CCNH: variants seen among roughly 807,000 people sequenced by gnomAD.
The protein encoded by CCNH is cyclin H.
CCNH carries 31 observed loss-of-function variants against 41.9 expected under a neutral mutation model. That is an observed-to-expected ratio of 0.74 (90% CI 0.56 to 1.00). CCNH has a LOEUF of 1.00. Ranked by LOEUF, CCNH falls within the 50% of genes least tolerant of loss-of-function variation. The probability of loss-of-function intolerance (pLI) is 0.00; values close to 1 mark genes in which losing one functional copy is unlikely to be tolerated. For missense variants in CCNH, 362 were observed against 388.4 expected (o/e 0.93, Z 0.57); for synonymous variants, 138 against 136.1 (o/e 1.01, Z -0.10).
chr5:87,352,963 A>C (rs1759383134), intron 9 of CCNH, among the ~76,000 whole-genome samples: 1 of 151,936 alleles, frequency 6.6e-6, no homozygotes, highest in African/African-American at 2.4e-5. Flanking sequence ...TGGCCTGTAA[A>C]TCTATATTGA....
At chr5:87,361,811 G>T in intron 9 of CCNH, among the ~76,000 whole-genome samples, 1 of 152,124 alleles carries the variant, frequency 6.6e-6, no homozygotes, top group East Asian at 1.9e-4. Flanking sequence ...CATTAAGAAA[G>T]AACCTAATAT....
At chr5:87,365,293 A>T (rs964614247) in intron 9 of CCNH, among the ~76,000 whole-genome samples, 1 of 152,204 alleles carries the variant, frequency 6.6e-6, no homozygotes, top group African/African-American at 2.4e-5. Flanking sequence ...TGATCCCTGT[A>T]TAAACTGTTC....
At chr5:87,347,875 C>A (rs1223721110) in intron 9 of CCNH, among the ~76,000 whole-genome samples, 1 of 151,928 alleles carries the variant, frequency 6.6e-6, no homozygotes, top group Non-Finnish European at 1.5e-5. Context: ...ACTTGTACCA[C>A]CAAGTACTTG....
At chr5:87,354,638 G>A (rs774530177) in intron 9 of CCNH, among the ~76,000 whole-genome samples, 15 of 152,062 alleles carry the variant, frequency 9.9e-5, no homozygotes, top group Non-Finnish European at 1.9e-4. Flanking sequence ...GCCTCTAAAT[G>A]GTCAAGTGAA....
intron 2 of CCNH, 46 bp downstream of exon 2, chr5:87,411,178 A>G: frequency 6.5e-7 from 1 of 1,547,128 alleles, no homozygotes; most frequent in Non-Finnish European, 8.7e-7. Flanking sequence ...GTCAAATTTC[A>G]CAAGCCAACT....
At chr5:87,344,743 G>A (rs774074017) in intron 9 of CCNH, among the ~76,000 whole-genome samples, 2 of 142,188 alleles carry the variant, frequency 1.4e-5, no homozygotes, top group Non-Finnish European at 1.5e-5. Context: ...GGTCTCAAAC[G>A]CCTGGCCTCA....
downstream of CCNH, chr5:87,375,026 T>C (rs1380925036): frequency 7.4e-7 from 1 of 1,357,764 alleles, no homozygotes; most frequent in East Asian, 2.6e-5. Flanking sequence ...ATGCAAGTAG[T>C]ATAATTTGAG....
intron 9 of CCNH, among the ~76,000 whole-genome samples, chr5:87,365,968 G>A (rs1760483668): frequency 6.6e-6 from 1 of 152,072 alleles, no homozygotes; most frequent in Non-Finnish European, 1.5e-5. Context: ...AGTTGCATGT[G>A]TTTTCAGTTT....
chr5:87,374,724 A>G, downstream of CCNH: 1 of 1,425,960 alleles, frequency 7.0e-7, no homozygotes, highest in South Asian at 1.3e-5. Context: ...TAGGTCTAGC[A>G]CACTGTTTTT....
chr5:87,318,632 A>G (rs1361319383), exon 10 of CCNH: 1 of 152,200 alleles, frequency 6.6e-6, no homozygotes, highest in African/African-American at 2.4e-5. Context: ...GAGAGCAGCA[A>G]GGGGAAATTT....
At chr5:87,351,602 T>C (rs1460740615) in intron 9 of CCNH, among the ~76,000 whole-genome samples, 2 of 151,832 alleles carry the variant, frequency 1.3e-5, no homozygotes, top group Non-Finnish European at 3.0e-5. Flanking sequence ...TTGAATATGC[T>C]TTAGTTTTCT....
intron 9 of CCNH, among the ~76,000 whole-genome samples, chr5:87,333,973 G>C (rs565626801): frequency 1.3e-5 from 2 of 152,218 alleles, no homozygotes; most frequent in South Asian, 4.2e-4. Context: ...ATGAATTTAG[G>C]TAATTTTAAA....
chr5:87,404,137 T>C (rs1387033105), intron 5 of CCNH, among the ~76,000 whole-genome samples: 1 of 152,188 alleles, frequency 6.6e-6, no homozygotes, highest in Admixed American at 6.5e-5. Flanking sequence ...AGAAAAGTTA[T>C]CTGGTGTATA....
At chr5:87,327,444 C>T (rs531395555) in intron 9 of CCNH, among the ~76,000 whole-genome samples, 22 of 152,068 alleles carry the variant, frequency 1.4e-4, no homozygotes, top group Non-Finnish European at 2.4e-4. Context: ...GTGATGGTAA[C>T]GACATAAAAA....
Position 87,394,407 on chromosome 5 carries a change from C to A in CCNH, c.*39G>T, listed in dbSNP as rs1386089579. ...TAAACGTTTGATATGCTTCCTACTT[C>A]TCTTGATTAGTTAGCATTGAGAAAT... On this transcript the variant is annotated 3_prime_UTR_variant, in exon 9 of 9. Coordinates refer to ENST00000256897, the MANE Select transcript of CCNH (RefSeq NM_001239.4). 6 of 1,601,308 alleles carry A rather than the reference C, an allele frequency of 3.7e-6. No homozygotes were observed. The highest frequency in any genetic ancestry group is 5.1e-6 in the Non-Finnish European group (6 of 1,171,538).
downstream of CCNH, chr5:87,389,604 G>T: frequency 6.4e-7 from 1 of 1,552,750 alleles, no homozygotes. Context: ...GCTGAATTCT[G>T]GTTAACATTT....
chr5:87,327,070 G>C (rs1369441079), intron 9 of CCNH, among the ~76,000 whole-genome samples: 1 of 152,122 alleles, frequency 6.6e-6, no homozygotes, highest in Non-Finnish European at 1.5e-5. Context: ...TGTGATACTG[G>C]TTTGATATTA....
At chr5:87,390,747 G>C, downstream of CCNH, 1 of 1,484,462 alleles carries the variant, frequency 6.7e-7, no homozygotes, top group Non-Finnish European at 9.4e-7. Context: ...TTCCCATCCT[G>C]AAATTGCTGA....
chr5:87,404,920 G>A lies in CCNH; in HGVS notation c.613C>T (p.Leu205Phe), dbSNP rs1360467420. 1 of 1,613,220 alleles carries A rather than the reference G, an allele frequency of 6.2e-7. No homozygotes were observed. The highest frequency in any genetic ancestry group is 8.5e-7 in the Non-Finnish European group (1 of 1,179,414). ...LNRIALTDAY[L>F]LYTPSQIALT... ...GCAATTTGGGAAGGTGTGTATAAAA[G>A]GTAAGCATCCGTCAATGCAATTCTA... is the stretch of plus-strand genomic sequence containing the variant. Residue 205 changes from leucine to phenylalanine, a missense_variant, in exon 5 of 9, where the codon CTT becomes TTT. Leu to Phe is a conservative substitution (Grantham distance 22, BLOSUM62 0). Coordinates refer to ENST00000256897, the MANE Select transcript of CCNH (RefSeq NM_001239.4).
Sources: gnomAD v4.1 joint callset for allele counts (sites outside exome capture counted in the v4.1 genomes callset) on GRCh38, gnomAD v4.1.1 for gene constraint, MANE v1.5 for transcripts, NCBI Gene and HGNC (gene_info 2026-07-23, HGNC 2026-07-21) for gene names.